Variants in CSMD3 observed in about 807,000 individuals in gnomAD.
CSMD3 encodes the protein CUB and sushi domain-containing protein 3.
In CSMD3, 177 loss-of-function variants were observed where a neutral mutation model predicts 435.2. The ratio of observed to expected loss-of-function variants is 0.41; its 90% CI spans 0.36 to 0.46. The LOEUF is 0.46. Among genes scored for constraint, CSMD3 ranks in the 20% least tolerant of loss-of-function variants. The pLI is 0.34. For missense variants in CSMD3, 4,265 were observed against 4,504.6 expected, an observed-to-expected ratio of 0.95 and a Z score of 1.52; for synonymous variants, 1,656 against 1,520.5, an observed-to-expected ratio of 1.09 and a Z score of -2.07.
intron 32 of CSMD3, among the ~76,000 whole-genome samples, chr8:112,459,641 T>C (rs1817241772): frequency 6.6e-6 from 1 of 152,064 alleles, no homozygotes; most frequent in Admixed American, 6.6e-5. Flanking sequence ...ACAAGAACAA[T>C]TAAGCATTTC....
At position 112,272,935 on chromosome 8, in the gene CSMD3, A is replaced by G. The variant is rs533267182; in HGVS notation, c.9509-7345T>C. On this transcript the variant is annotated intron_variant, in intron 59 of 70. Transcript: ENST00000297405. ...GTTAGTAACTTTTTGCCTATGAAGT[A>G]CATAAACTTACAAATTATCAGCTTT... Among the ~76,000 whole-genome samples, 15 of 152,284 alleles carry G rather than the reference A, an allele frequency of 9.9e-5. No homozygotes were observed. In the East Asian group the frequency reaches 1.9e-3, roughly 20 times the overall value.
At chr8:113,210,183 C>T (rs976978132) in intron 3 of CSMD3, among the ~76,000 whole-genome samples, 8 of 152,054 alleles carry the variant, frequency 5.3e-5, no homozygotes, top group African/African-American at 1.9e-4. Context: ...CTCTCTCTGA[C>T]TTTTGTAAAT....
chr8:113,091,512 C>T (rs1051738792), intron 5 of CSMD3, among the ~76,000 whole-genome samples: 3 of 151,820 alleles, frequency 2.0e-5, no homozygotes, highest in African/African-American at 7.3e-5. Context: ...TTGTATGTGT[C>T]TAGTAATTTA....
intron 16 of CSMD3, among the ~76,000 whole-genome samples, chr8:112,680,851 C>T (rs913945658): frequency 1.3e-5 from 2 of 152,056 alleles, no homozygotes; most frequent in African/African-American, 2.4e-5. Flanking sequence ...TGGAAAATTA[C>T]ATATTAAATC....
At chr8:113,331,551 G>T (rs1486771066) in intron 1 of CSMD3, among the ~76,000 whole-genome samples, 1 of 151,554 alleles carries the variant, frequency 6.6e-6, no homozygotes, top group Non-Finnish European at 1.5e-5. Flanking sequence ...CTAGAAAAGT[G>T]AATTCAGCAA....
At chr8:112,568,643 T>A (rs1396110081) in intron 24 of CSMD3, among the ~76,000 whole-genome samples, 1 of 152,062 alleles carries the variant, frequency 6.6e-6, no homozygotes, top group Non-Finnish European at 1.5e-5. Flanking sequence ...GGTATGGTAT[T>A]TTCATACTAG....
At chr8:113,100,792 T>TA (rs1453640625) in intron 4 of CSMD3, among the ~76,000 whole-genome samples, 3 of 152,114 alleles carry the variant, frequency 2.0e-5, no homozygotes, top group African/African-American at 2.4e-5. Context: ...TGATTTAACT[T>TA]AAAAAATCAC....
chr8:112,466,514 T>A lies in CSMD3; in HGVS notation c.5395+6077A>T, dbSNP rs150226326. Among the ~76,000 whole-genome samples the A allele has an allele frequency of 8.6e-3, 1,313 of 152,294 alleles. 17 individuals are homozygous for A. The highest frequency in any genetic ancestry group is 0.03 in the African/African-American group (1,266 of 41,574). ...CTGCTATTATTTTTAACATAAAAGA[T>A]GAGAATAATTCATTAATACATATCC... On this transcript the variant is annotated intron_variant, in intron 32 of 70. Coordinates refer to ENST00000297405, the MANE Select transcript of CSMD3 (RefSeq NM_198123.2).
At chr8:112,316,942 T>C (rs1213206228) in intron 47 of CSMD3, among the ~76,000 whole-genome samples, 1 of 151,942 alleles carries the variant, frequency 6.6e-6, no homozygotes, top group Non-Finnish European at 1.5e-5. Flanking sequence ...ATTTTTTAAA[T>C]GGACTAAAAA....
intron 2 of CSMD3, chr8:113,311,800 A>G (rs1227935602): frequency 6.6e-6 from 1 of 152,158 alleles, no homozygotes; most frequent in Non-Finnish European, 1.5e-5. Context: ...AAGCACAAAA[A>G]CCAATAAATG....
intron 3 of CSMD3, among the ~76,000 whole-genome samples, chr8:113,176,310 C>T (rs780812345): frequency 2.6e-5 from 4 of 152,094 alleles, no homozygotes; most frequent in Non-Finnish European, 4.4e-5. Context: ...AGATGTTTTA[C>T]ATTCAGGTTT....
intron 1 of CSMD3, among the ~76,000 whole-genome samples, chr8:113,369,340 T>C (rs1203916463): frequency 6.6e-6 from 1 of 151,936 alleles, no homozygotes; most frequent in Admixed American, 6.6e-5. Context: ...AAAAAAGAAC[T>C]TTCTCCTCTG....
chr8:112,695,081 G>A (rs894257152), intron 13 of CSMD3, among the ~76,000 whole-genome samples: 8 of 151,996 alleles, frequency 5.3e-5, no homozygotes, highest in African/African-American at 1.9e-4. Context: ...TGGAAAATCG[G>A]GTCACTTCCA....
intron 30 of CSMD3, among the ~76,000 whole-genome samples, chr8:112,500,934 C>T (rs184104703): frequency 3.9e-5 from 6 of 152,212 alleles, no homozygotes; most frequent in South Asian, 2.1e-4. Flanking sequence ...CAGCCTTCCC[C>T]GCACACTATG....
intron 5 of CSMD3, 116 bp from the exon 6 acceptor site, chr8:113,019,295 T>G: frequency 2.8e-6 from 2 of 722,004 alleles, no homozygotes; most frequent in South Asian, 1.5e-5. Context: ...CACTGTCAAC[T>G]TTTTAAGCAC....
chr8:113,235,768 G>A (rs1385543363), intron 3 of CSMD3, among the ~76,000 whole-genome samples: 1 of 152,086 alleles, frequency 6.6e-6, no homozygotes, highest in Non-Finnish European at 1.5e-5. Flanking sequence ...AGGTTAGGAG[G>A]CCAAACTGGC....
intron 13 of CSMD3, among the ~76,000 whole-genome samples, chr8:112,787,020 A>T (rs894097320): frequency 6.6e-6 from 1 of 151,426 alleles, no homozygotes; most frequent in Non-Finnish European, 1.5e-5. Flanking sequence ...GGCTGAGAAT[A>T]ATGGTTTCCA....
intron 17 of CSMD3, among the ~76,000 whole-genome samples, chr8:112,660,135 C>T (rs1266166483): frequency 6.6e-6 from 1 of 152,010 alleles, no homozygotes; most frequent in African/African-American, 2.4e-5. Context: ...AAAGAGTTGG[C>T]AACTAGTGTC....
chr8:112,224,665 C>G lies in CSMD3; in HGVS notation c.*106G>C. On this transcript the variant is annotated 3_prime_UTR_variant, in exon 71 of 71. Coordinates refer to ENST00000297405, the MANE Select transcript of CSMD3 (RefSeq NM_198123.2). ...GTATCATTCCTCAGGAAAAGGTGAC[C>G]CAGCAAGTCCTGAAAAGTGTGCTTT... The G allele has an allele frequency of 9.1e-7, 1 of 1,103,692 alleles. No individual in the cohort carries two copies. The highest frequency in any genetic ancestry group is 1.7e-5 in the Admixed American group (1 of 59,090). 68.4% of individuals were successfully genotyped at this position (1,103,692 alleles called of 1,614,324 possible).
Sources: allele counts gnomAD v4.1 joint callset (sites outside exome capture counted in the v4.1 genomes callset), GRCh38; gene constraint gnomAD v4.1.1; transcripts MANE v1.5; gene names NCBI Gene and HGNC (gene_info 2026-07-23, HGNC 2026-07-21).